Variants in B3GAT2 observed in about 807,000 individuals in gnomAD.
B3GAT2 encodes the protein beta-1,3-glucuronyltransferase 2.
In B3GAT2, 26 loss-of-function variants were observed where a neutral mutation model predicts 27.8. The ratio of observed to expected loss-of-function variants is 0.93; its 90% confidence interval spans 0.68 to 1.30. The LOEUF is 1.30. Ranked by LOEUF, B3GAT2 falls within the 50% of genes most tolerant of loss-of-function variation. B3GAT2 has a pLI of 0.00. For synonymous variants in B3GAT2, 218 were observed against 195.1 expected (o/e 1.12, Z -0.98); for missense variants, 458 against 459.0 (o/e 1.00, Z 0.02).
chr6:70,919,637 C>T (rs1219013985), intron 1 of B3GAT2, among the ~76,000 whole-genome samples: 2 of 152,162 alleles, frequency 1.3e-5, no homozygotes, highest in African/African-American at 4.8e-5. Context: ...GTTAGTTTTC[C>T]TTCTAACAGA....
intron 1 of B3GAT2, among the ~76,000 whole-genome samples, chr6:70,904,836 G>A (rs1772571364): frequency 6.6e-6 from 1 of 152,136 alleles, no homozygotes; most frequent in African/African-American, 2.4e-5. Flanking sequence ...CACCCCTGGG[G>A]TTACTTGTTA....
At chr6:70,920,272 G>A (rs541953972) in intron 1 of B3GAT2, among the ~76,000 whole-genome samples, 13 of 152,304 alleles carry the variant, frequency 8.5e-5, no homozygotes, top group South Asian at 2.1e-4. Flanking sequence ...TGCGAATACC[G>A]TGGGAAAAGT....
At chr6:70,902,637 T>TACACACAC (rs1211771771) in intron 1 of B3GAT2, among the ~76,000 whole-genome samples, 1 of 133,424 alleles carries the variant, frequency 7.5e-6, no homozygotes, top group African/African-American at 2.7e-5. Context: ...TATATATATA[T>TACACACAC]ACACACACAC....
intron 2 of B3GAT2, among the ~76,000 whole-genome samples, chr6:70,892,238 C>T (rs1038111763): frequency 1.3e-5 from 2 of 152,198 alleles, no homozygotes; most frequent in African/African-American, 4.8e-5. Context: ...AGAATTCCCA[C>T]AGAATTTGGC....
chr6:70,954,920 G>GGC (rs1554218606), intron 1 of B3GAT2, among the ~76,000 whole-genome samples: 1 of 151,604 alleles, frequency 6.6e-6, no homozygotes, highest in Non-Finnish European at 1.5e-5. Context: ...GGCGGCGGGG[G>GGC]GGGGCGGTGC....
chr6:70,946,354 C>T (rs1232360109), intron 1 of B3GAT2, among the ~76,000 whole-genome samples: 2 of 151,964 alleles, frequency 1.3e-5, no homozygotes, highest in African/African-American at 4.8e-5. Flanking sequence ...TGCAGAGACA[C>T]ACATAGGCTC....
chr6:70,937,088 G>C (rs1435130407), intron 1 of B3GAT2, among the ~76,000 whole-genome samples: 1 of 152,144 alleles, frequency 6.6e-6, no homozygotes, highest in Non-Finnish European at 1.5e-5. Flanking sequence ...CGATCCCACA[G>C]AAATAGAAAC....
intron 1 of B3GAT2, among the ~76,000 whole-genome samples, chr6:70,933,590 T>C (rs1305068096): frequency 6.6e-6 from 1 of 152,194 alleles, no homozygotes; most frequent in East Asian, 1.9e-4. Context: ...ATCAAAGTTA[T>C]AAAAATCTTC....
chr6:70,911,774 C>T (rs982952883), intron 1 of B3GAT2, among the ~76,000 whole-genome samples: 75 of 152,034 alleles, frequency 4.9e-4, no homozygotes, highest in African/African-American at 1.6e-3. Context: ...TTCCTATCCA[C>T]GAGCATGGAA....
intron 2 of B3GAT2, among the ~76,000 whole-genome samples, chr6:70,885,311 C>A (rs148846806): frequency 6.6e-6 from 1 of 152,272 alleles, no homozygotes; most frequent in East Asian, 1.9e-4. Flanking sequence ...CACATGGCAC[C>A]AAATGCCTTG....
chr6:70,903,928 G>A (rs1028844250), intron 1 of B3GAT2, among the ~76,000 whole-genome samples: 4 of 152,058 alleles, frequency 2.6e-5, no homozygotes, highest in African/African-American at 7.2e-5. Context: ...ACAAAACCTT[G>A]TGCCTGAATG....
At chr6:70,871,115 A>G (rs1380176109) in intron 2 of B3GAT2, among the ~76,000 whole-genome samples, 1 of 151,006 alleles carries the variant, frequency 6.6e-6, no homozygotes, top group Non-Finnish European at 1.5e-5. Flanking sequence ...CTCATGGTGT[A>G]TAATCCTTTC....
At chr6:70,893,977 G>T in intron 2 of B3GAT2, 151 bp downstream of exon 2, 1 of 806,520 alleles carries the variant, frequency 1.2e-6, no homozygotes, top group Non-Finnish European at 1.7e-6. Flanking sequence ...AGCCTATTTT[G>T]AAGGTTTAAA....
intron 2 of B3GAT2, among the ~76,000 whole-genome samples, chr6:70,885,002 G>A (rs1222315824): frequency 6.6e-6 from 1 of 152,210 alleles, no homozygotes; most frequent in African/African-American, 2.4e-5. Flanking sequence ...GAAGTGGTCT[G>A]CACCCCGGCC....
At chr6:70,875,962 C>A (rs2150025194) in intron 2 of B3GAT2, among the ~76,000 whole-genome samples, 1 of 152,186 alleles carries the variant, frequency 6.6e-6, no homozygotes, top group Non-Finnish European at 1.5e-5. Context: ...TCCTAATAAC[C>A]AAACATAATA....
chr6:70,910,736 T>A (rs1333535891), intron 1 of B3GAT2, among the ~76,000 whole-genome samples: 1 of 152,174 alleles, frequency 6.6e-6, no homozygotes, highest in African/African-American at 2.4e-5. Flanking sequence ...TTTAAGTACT[T>A]TGAGAAATTG....
chr6:70,941,509 G>T (rs962466352), intron 1 of B3GAT2, among the ~76,000 whole-genome samples: 1 of 151,920 alleles, frequency 6.6e-6, no homozygotes, highest in Non-Finnish European at 1.5e-5. Context: ...ACTGACTCAC[G>T]ACCACCTTGA....
intron 2 of B3GAT2, among the ~76,000 whole-genome samples, chr6:70,868,166 A>G (rs952226711): frequency 6.6e-6 from 1 of 152,224 alleles, no homozygotes; most frequent in African/African-American, 2.4e-5. Context: ...TCTCAACTTA[A>G]TAAGGACATC....
At chr6:70,916,323 A>G (rs1341633886) in intron 1 of B3GAT2, among the ~76,000 whole-genome samples, 2 of 152,188 alleles carry the variant, frequency 1.3e-5, no homozygotes, top group East Asian at 1.9e-4. Context: ...GGTTTTCTAC[A>G]TATATAATCA....
Sources: gnomAD v4.1 joint callset for allele counts (sites outside exome capture counted in the v4.1 genomes callset) on GRCh38, gnomAD v4.1.1 for gene constraint, MANE v1.5 for transcripts, NCBI Gene and HGNC (gene_info 2026-07-23, HGNC 2026-07-21) for gene names.